The following POLQ variants were observed in gnomAD, a reference collection of about 807,000 sequenced individuals.
POLQ encodes DNA polymerase theta, also known as epididymis secretory sperm binding protein.
In POLQ, 233 loss-of-function variants were observed where a neutral mutation model predicts 259.2. That is an observed-to-expected ratio of 0.90 (90% CI 0.81 to 1.00). POLQ has a LOEUF of 1.00. Ranked by LOEUF, POLQ falls within the 50% of genes least tolerant of loss-of-function variation. POLQ has a pLI of 0.00. For synonymous variants in POLQ, 1,025 were observed against 1,048.8 expected (o/e 0.98, Z 0.44); for missense variants, 2,871 against 3,051.6 (o/e 0.94, Z 1.39).
At chr3:121,451,180 GC>G (rs1339199718) in intron 25 of POLQ, among the ~76,000 whole-genome samples, 3 of 152,130 alleles carry the variant, frequency 2.0e-5, no homozygotes, top group African/African-American at 7.2e-5. Context: ...ATTCTAGTTA[GC>G]CATTCGTCTA....
intron 26 of POLQ, among the ~76,000 whole-genome samples, chr3:121,443,995 G>C (rs927962036): frequency 3.3e-5 from 5 of 152,182 alleles, no homozygotes; most frequent in African/African-American, 7.2e-5. Flanking sequence ...TATGTCTGTA[G>C]CATAATTCGA....
intron 7 of POLQ, among the ~76,000 whole-genome samples, chr3:121,522,993 G>GT (rs576549027): frequency 5.9e-5 from 9 of 152,118 alleles, no homozygotes; most frequent in Non-Finnish European, 1.2e-4. Context: ...AGTACCCTCT[G>GT]TTTTTTGTCT....
At chr3:121,519,752 G>A in intron 9 of POLQ, 119 bp downstream of exon 9, 1 of 694,252 alleles carries the variant, frequency 1.4e-6, no homozygotes. Context: ...GATGACACTA[G>A]TGCATTGGAT....
Position 121,493,256 on chromosome 3 carries a change from C to T in POLQ, c.2522+222G>A, listed in dbSNP as rs982893843. On this transcript the variant is annotated intron_variant, in intron 15 of 29. Transcript: ENST00000264233. ...GGTGGAGGTCGCAGTGAGCCGAGAT[C>T]GCACCATTGCACTCCAGCCTGGGTA... is the stretch of plus-strand genomic sequence containing the variant. Among the ~76,000 whole-genome samples, 8 of 151,306 alleles carry T rather than the reference C, an allele frequency of 5.3e-5. No individual in the cohort carries two copies. The South Asian group carries it at 6.3e-4, about 12-fold the overall frequency.
intron 5 of POLQ, 127 bp downstream of exon 5, chr3:121,536,973 A>T: frequency 1.6e-6 from 1 of 635,136 alleles, no homozygotes; most frequent in South Asian, 2.0e-5. Flanking sequence ...AAACTACTAT[A>T]CATAAGTTTT....
chr3:121,479,601 A>G (rs2047955438), intron 19 of POLQ, among the ~76,000 whole-genome samples: 1 of 151,836 alleles, frequency 6.6e-6, no homozygotes, highest in Non-Finnish European at 1.5e-5. Context: ...TTACAGGTGC[A>G]TGCAACCACA....
rs746649992 is a variant in POLQ at position 121,533,194 on chromosome 3, G to A, written c.756C>T (p.Ala252=). 6.3e-7 allele frequency: 1 copy of A among 1,579,902 alleles called. No homozygotes were observed. Among genetic ancestry groups the A allele is most frequent in the South Asian group, 1.2e-5 (1 of 86,684 alleles). The change falls in exon 6 of 30, where the codon GCC becomes GCT. Residue 252 remains alanine, a synonymous_variant. Coordinates refer to ENST00000264233, the MANE Select transcript of POLQ (RefSeq NM_199420.4). ...RKSASCQADL[A]SSLSNAVQIV... Reference sequence around the variant, plus strand: ...TTTGCACAGCATTAGACAGAGAACTGGCTAGATCTGCCTGACTGTAAAAAA... The same window carrying A: ...TTTGCACAGCATTAGACAGAGAACTAGCTAGATCTGCCTGACTGTAAAAAA...
chr3:121,494,772 T>A (rs2048101948), intron 14 of POLQ: 3 of 1,505,764 alleles, frequency 2.0e-6, no homozygotes, highest in Non-Finnish European at 1.8e-6. Context: ...GTGGAAGTTA[T>A]CAGGACCAAT....
chr3:121,540,518 G>A (rs1398100829), intron 3 of POLQ, among the ~76,000 whole-genome samples: 1 of 152,178 alleles, frequency 6.6e-6, no homozygotes, highest in Non-Finnish European at 1.5e-5. Context: ...CCTAAAAACT[G>A]TGAGCATCAT....
rs1218190824 is a variant in POLQ at position 121,492,755 on chromosome 3, A to G, written c.2522+723T>C. ...GGCTCAACCAACTCTCCAGCCTCAC[A>G]TCCCCAAGTAGCTGGGACTATAGGC... On this transcript the variant is annotated intron_variant, in intron 15 of 29. Transcript: ENST00000264233. Among the ~76,000 whole-genome samples the G allele has an allele frequency of 2.0e-5, 3 of 150,088 alleles. No homozygotes were observed. The East Asian group carries it at 5.9e-4, about 30-fold the overall frequency.
chr3:121,479,493 C>A (rs573668103), intron 19 of POLQ, among the ~76,000 whole-genome samples: 3 of 152,080 alleles, frequency 2.0e-5, no homozygotes, highest in Non-Finnish European at 4.4e-5. Context: ...TACAGATCCT[C>A]ACTCTATTGC....
At chr3:121,498,736 C>T in intron 12 of POLQ, 66 bp from the exon 13 acceptor site, 1 of 1,111,074 alleles carries the variant, frequency 9.0e-7, no homozygotes, top group Non-Finnish European at 1.3e-6. Flanking sequence ...TATATACAAC[C>T]TTCATATTAA....
chr3:121,528,469 G>A (rs1159300182), intron 7 of POLQ, among the ~76,000 whole-genome samples: 3 of 150,932 alleles, frequency 2.0e-5, no homozygotes, highest in Non-Finnish European at 2.9e-5. Flanking sequence ...TCAGCCTCCC[G>A]AGTAGCTGGG....
At chr3:121,532,085 T>A (rs1339167449) in intron 6 of POLQ, among the ~76,000 whole-genome samples, 2 of 152,218 alleles carry the variant, frequency 1.3e-5, no homozygotes, top group African/African-American at 4.8e-5. Context: ...TACTTATTTA[T>A]CAAGTAACTT....
intron 29 of POLQ, 111 bp from the exon 30 acceptor site, chr3:121,432,528 A>T: frequency 1.0e-6 from 1 of 999,640 alleles, no homozygotes; most frequent in East Asian, 3.0e-5. Flanking sequence ...AATGGTGCTT[A>T]AAATGCTAAA....
At chr3:121,503,905 T>G (rs1267124521) in intron 12 of POLQ, among the ~76,000 whole-genome samples, 1 of 152,148 alleles carries the variant, frequency 6.6e-6, no homozygotes, top group African/African-American at 2.4e-5. Context: ...CAGGCTGGAG[T>G]GCAGTGGCAT....
chr3:121,485,370 CTG>C (rs1412239975), intron 16 of POLQ, among the ~76,000 whole-genome samples, 186 bp from the exon 17 acceptor site: 1 of 152,142 alleles, frequency 6.6e-6, no homozygotes, highest in Non-Finnish European at 1.5e-5. Flanking sequence ...ATTAAGATAA[CTG>C]TCACTATGAA....
chr3:121,455,006 A>C (rs2047720126), intron 25 of POLQ, among the ~76,000 whole-genome samples: 1 of 152,340 alleles, frequency 6.6e-6, no homozygotes, highest in Admixed American at 6.5e-5. Context: ...AGCAAATGTA[A>C]AAGAACAGAA....
intron 24 of POLQ, among the ~76,000 whole-genome samples, chr3:121,460,753 T>G (rs2047785044): frequency 1.3e-5 from 2 of 152,038 alleles, no homozygotes; most frequent in Non-Finnish European, 2.9e-5. Flanking sequence ...AATAACAAAG[T>G]CATTCAGTGA....
Sources: allele counts gnomAD v4.1 joint callset (sites outside exome capture counted in the v4.1 genomes callset), GRCh38; gene constraint gnomAD v4.1.1; transcripts MANE v1.5; gene names NCBI Gene and HGNC (gene_info 2026-07-23, HGNC 2026-07-21).